SRPK2: variants seen among roughly 807,000 people sequenced by gnomAD.
The protein encoded by SRPK2 is SRSF protein kinase 2, also known as SFRS protein kinase 2.
A neutral mutation model predicts 90.8 loss-of-function variants in SRPK2; 21 were observed. The ratio of observed to expected loss-of-function variants is 0.23; its 90% CI spans 0.16 to 0.33. SRPK2 has a LOEUF of 0.33. Among genes scored for constraint, SRPK2 ranks in the 10% least tolerant of loss-of-function variants. SRPK2 has a pLI of 1.00. For synonymous variants in SRPK2, 288 were observed against 311.1 expected, an observed-to-expected ratio of 0.93 and a Z score of 0.78; for missense variants, 620 against 869.0, an observed-to-expected ratio of 0.71 and a Z score of 3.60.
At chr7:105,179,682 G>A (rs1302607479) in intron 3 of SRPK2, among the ~76,000 whole-genome samples, 4 of 151,856 alleles carry the variant, frequency 2.6e-5, no homozygotes, top group African/African-American at 9.7e-5. Flanking sequence ...AAGATTAGCC[G>A]GGTGTGGTGG....
At chr7:105,323,119 G>A (rs1013511282) in intron 2 of SRPK2, among the ~76,000 whole-genome samples, 3 of 152,108 alleles carry the variant, frequency 2.0e-5, no homozygotes, top group Admixed American at 2.0e-4. Flanking sequence ...GAACTCAGGA[G>A]GTGGAGGCTA....
chr7:105,249,568 A>C (rs894158538), intron 2 of SRPK2, among the ~76,000 whole-genome samples: 2 of 152,040 alleles, frequency 1.3e-5, no homozygotes, highest in Non-Finnish European at 2.9e-5. Flanking sequence ...AAATACTGGA[A>C]GTTATCAGTT....
At chr7:105,302,631 T>C (rs1214441730) in intron 2 of SRPK2, among the ~76,000 whole-genome samples, 1 of 152,200 alleles carries the variant, frequency 6.6e-6, no homozygotes, top group Non-Finnish European at 1.5e-5. Context: ...CTTTTAATTT[T>C]TGAAAGGTGA....
At chr7:105,287,651 G>C (rs1161942532) in intron 2 of SRPK2, among the ~76,000 whole-genome samples, 1 of 151,998 alleles carries the variant, frequency 6.6e-6, no homozygotes, top group South Asian at 2.1e-4. Context: ...TAGGAGAATC[G>C]CTTGAACCCA....
chr7:105,383,941 G>A (rs1235442451), intron 2 of SRPK2, among the ~76,000 whole-genome samples: 3 of 152,168 alleles, frequency 2.0e-5, no homozygotes, highest in African/African-American at 7.2e-5. Context: ...ATGTAAATTA[G>A]TTGTTGCCAA....
intron 2 of SRPK2, among the ~76,000 whole-genome samples, chr7:105,360,919 G>A (rs939517841): frequency 7.9e-5 from 12 of 152,170 alleles, no homozygotes; most frequent in African/African-American, 2.7e-4. Flanking sequence ...ACTGGCACAA[G>A]ACAAGGATGT....
intron 1 of SRPK2, among the ~76,000 whole-genome samples, chr7:105,398,258 C>T (rs1822383004): frequency 6.6e-6 from 1 of 152,098 alleles, no homozygotes. Flanking sequence ...TATGATATCT[C>T]CCAGTGGAGT....
At chr7:105,160,460 TA>T in intron 7 of SRPK2, 46 bp downstream of exon 7, 1 of 1,119,066 alleles carries the variant, frequency 8.9e-7, no homozygotes, top group Non-Finnish European at 1.4e-6. Context: ...GTTGAAAGCC[TA>T]ACCAATTAGG....
intron 2 of SRPK2, among the ~76,000 whole-genome samples, chr7:105,337,622 A>T (rs182372480): frequency 6.6e-6 from 1 of 152,116 alleles, no homozygotes; most frequent in East Asian, 1.9e-4. Flanking sequence ...GCCTCATGAT[A>T]GGATTATATA....
intron 2 of SRPK2, among the ~76,000 whole-genome samples, chr7:105,331,323 A>ACAAAAAAC (rs1814329496): frequency 2.3e-5 from 3 of 131,734 alleles, no homozygotes; most frequent in African/African-American, 8.0e-5. Flanking sequence ...AAAAAAAAAA[A>ACAAAAAAC]AAAAAAAAAA....
intron 15 of SRPK2, among the ~76,000 whole-genome samples, chr7:105,120,701 T>C (rs571708752): frequency 9.9e-5 from 15 of 151,768 alleles, no homozygotes; most frequent in Non-Finnish European, 2.1e-4. Flanking sequence ...AAGTTTATAA[T>C]ATAATGCAAA....
intron 3 of SRPK2, among the ~76,000 whole-genome samples, chr7:105,190,253 A>G (rs1794113144): frequency 6.6e-6 from 1 of 152,224 alleles, no homozygotes; most frequent in Admixed American, 6.5e-5. Context: ...ATGACTGCCC[A>G]TCTATATTCA....
intron 2 of SRPK2, among the ~76,000 whole-genome samples, chr7:105,377,493 G>C (rs1820441825): frequency 6.6e-6 from 1 of 151,738 alleles, no homozygotes; most frequent in African/African-American, 2.4e-5. Flanking sequence ...AGGAGTTCAG[G>C]ACCAGCCTGG....
chr7:105,228,673 C>T (rs1297316441), intron 2 of SRPK2, among the ~76,000 whole-genome samples: 1 of 152,192 alleles, frequency 6.6e-6, no homozygotes, highest in Non-Finnish European at 1.5e-5. Flanking sequence ...CTCACCTAGG[C>T]AGCGCCACAA....
intron 2 of SRPK2, chr7:105,205,877 G>T: frequency 5.8e-6 from 3 of 513,580 alleles, no homozygotes; most frequent in Non-Finnish European, 1.2e-5. Context: ...AAAGCTAGCT[G>T]TTTCTTCCTA....
intron 2 of SRPK2, among the ~76,000 whole-genome samples, chr7:105,212,152 T>C (rs1288578024): frequency 6.6e-6 from 1 of 152,228 alleles, no homozygotes; most frequent in Non-Finnish European, 1.5e-5. Flanking sequence ...ACTATTAATA[T>C]TTTATAAAAC....
chr7:105,228,321 T>C (rs1348805423), intron 2 of SRPK2, among the ~76,000 whole-genome samples: 2 of 152,178 alleles, frequency 1.3e-5, no homozygotes, highest in African/African-American at 4.8e-5. Flanking sequence ...GTTTAGAAAA[T>C]TTCCATTGGA....
chr7:105,324,016 T>TGTGTGG (rs1554509925), intron 2 of SRPK2, among the ~76,000 whole-genome samples: 1 of 148,426 alleles, frequency 6.7e-6, no homozygotes, highest in Non-Finnish European at 1.5e-5. Flanking sequence ...TGTGTGTGTG[T>TGTGTGG]GGTGGAGTCT....
rs1199687805 is a variant in SRPK2, at chr7:105,117,066, A to G, written c.*772T>C. ...CTTCTTTAAAAGTACTTTTAAAAAT[A>G]TGCAAAATCACAAATGGGACTGCTA... On this transcript the variant is annotated 3_prime_UTR_variant, in exon 16 of 16. Coordinates refer to ENST00000393651, the MANE Select transcript of SRPK2 (RefSeq NM_182692.3). 6.6e-6 allele frequency: 1 copy of G among 152,244 alleles called. No homozygotes were observed. Among genetic ancestry groups the G allele is most frequent in the Non-Finnish European group, 1.5e-5 (1 of 68,044 alleles). 9.4% of individuals were successfully genotyped at this position (152,244 alleles called of 1,614,324 possible).
Sources: allele counts gnomAD v4.1 joint callset (sites outside exome capture counted in the v4.1 genomes callset), GRCh38; gene constraint gnomAD v4.1.1; transcripts MANE v1.5; gene names NCBI Gene and HGNC (gene_info 2026-07-23, HGNC 2026-07-21).